Variants in CHL1 observed in about 807,000 individuals in gnomAD.
CHL1 encodes the protein cell adhesion molecule L1 like.
In CHL1, 96 loss-of-function variants were observed where a neutral mutation model predicts 141.9. That is an observed-to-expected ratio of 0.68 (90% CI 0.57 to 0.80). The LOEUF (loss-of-function observed/expected upper bound fraction) is 0.80, where lower values mean the gene tolerates loss of function less well. Among genes scored for constraint, CHL1 ranks in the 30% least tolerant of loss-of-function variants. The pLI, the probability that CHL1 is intolerant of heterozygous loss-of-function variation, is 0.00. For synonymous variants in CHL1, 613 were observed against 502.2 expected (o/e 1.22, Z -2.95); for missense variants, 1,820 against 1,457.2 (o/e 1.25, Z -4.05).
At chr3:307,833 A>T (rs1191636757) in intron 2 of CHL1, among the ~76,000 whole-genome samples, 3 of 152,204 alleles carry the variant, frequency 2.0e-5, no homozygotes, top group African/African-American at 7.2e-5. Flanking sequence ...TTGAATATTG[A>T]CTGACTATAC....
At chr3:260,281 A>C (rs2125189518) in intron 2 of CHL1, among the ~76,000 whole-genome samples, 1 of 152,216 alleles carries the variant, frequency 6.6e-6, no homozygotes, top group African/African-American at 2.4e-5. Context: ...TAAATAAATA[A>C]ATGTTTGAAA....
At position 291,033 on chromosome 3, in the gene CHL1, G is replaced by T. The variant is rs17020501; in HGVS notation, c.-94-28650G>T. On this transcript the variant is annotated intron_variant, in intron 2 of 27. Transcript: ENST00000256509. The stretch of plus-strand genomic sequence containing the variant: ...GATTTTAATTTTGCTTAATAACATA[G>T]TCATTGAAATTAATTTATAAATAAT... 4.2e-3 allele frequency among the ~76,000 whole-genome samples: 631 copies of T among 151,808 alleles called. 9 individuals carry two copies. Among genetic ancestry groups the T allele is most frequent in the African/African-American group, 0.015 (602 of 41,456 alleles).
chr3:322,898 C>G (rs1700711394), intron 3 of CHL1, among the ~76,000 whole-genome samples: 2 of 151,076 alleles, frequency 1.3e-5, no homozygotes, highest in African/African-American at 4.9e-5. Flanking sequence ...CAAAACAAAG[C>G]AAAACAAAAA....
At chr3:363,102 G>C (rs1704446357) in intron 13 of CHL1, 115 bp from the exon 14 acceptor site, 1 of 786,760 alleles carries the variant, frequency 1.3e-6, no homozygotes, top group Non-Finnish European at 2.0e-6. Flanking sequence ...AACATTTCAT[G>C]AGGTTTTCTG....
At chr3:319,421 T>C (rs1700385931) in intron 2 of CHL1, among the ~76,000 whole-genome samples, 1 of 151,790 alleles carries the variant, frequency 6.6e-6, no homozygotes, top group Non-Finnish European at 1.5e-5. Context: ...TATAATATCA[T>C]ACCTTCCAAG....
chr3:335,565 A>C (rs1237212044), intron 5 of CHL1, among the ~76,000 whole-genome samples: 1 of 152,188 alleles, frequency 6.6e-6, no homozygotes, highest in Admixed American at 6.5e-5. Context: ...AAGCATATTT[A>C]AGTGAAATGT....
intron 26 of CHL1, among the ~76,000 whole-genome samples, chr3:399,973 A>T (rs1351379946): frequency 6.6e-6 from 1 of 152,224 alleles, no homozygotes; most frequent in Non-Finnish European, 1.5e-5. Flanking sequence ...TATACATGAA[A>T]ACCATCATAG....
At chr3:349,597 C>A in intron 10 of CHL1, 54 bp downstream of exon 10, 1 of 1,434,798 alleles carries the variant, frequency 7.0e-7, no homozygotes, top group Non-Finnish European at 9.6e-7. Flanking sequence ...TAACTGTATA[C>A]ATGTAGTAGG....
intron 2 of CHL1, among the ~76,000 whole-genome samples, chr3:304,661 A>G (rs1268867288): frequency 6.6e-6 from 1 of 152,010 alleles, no homozygotes; most frequent in Non-Finnish European, 1.5e-5. Context: ...CTAGCGGTCT[A>G]ACTATTTTGT....
chr3:272,611 C>T (rs562122918), intron 2 of CHL1, among the ~76,000 whole-genome samples: 1 of 152,248 alleles, frequency 6.6e-6, no homozygotes, highest in Admixed American at 6.5e-5. Context: ...AATTTTAGAT[C>T]TTACAATTAG....
intron 2 of CHL1, among the ~76,000 whole-genome samples, chr3:307,827 A>G (rs1229980742): frequency 6.6e-6 from 1 of 152,220 alleles, no homozygotes; most frequent in Non-Finnish European, 1.5e-5. Context: ...GACCTTTTGA[A>G]TATTGACTGA....
intron 16 of CHL1, among the ~76,000 whole-genome samples, chr3:379,686 T>A (rs547406295): frequency 5.9e-5 from 9 of 152,320 alleles, no homozygotes; most frequent in East Asian, 1.9e-4. Context: ...TTAATTTTTT[T>A]AATTCTACAT....
At chr3:391,240 C>A in intron 22 of CHL1, 81 bp downstream of exon 22, 1 of 1,109,668 alleles carries the variant, frequency 9.0e-7, no homozygotes, top group Non-Finnish European at 1.4e-6. Flanking sequence ...TATGGCCAGG[C>A]ACAGTGGCTC....
At chr3:277,708 T>C (rs1696274438) in intron 2 of CHL1, among the ~76,000 whole-genome samples, 1 of 152,216 alleles carries the variant, frequency 6.6e-6, no homozygotes, top group East Asian at 1.9e-4. Flanking sequence ...TATTTCTAAG[T>C]GTTACATTTG....
rs1462458752 is a variant in CHL1 at position 273,075 on chromosome 3, G to A, written c.-95+28383G>A. Among the ~76,000 whole-genome samples the A allele has an allele frequency of 5.2e-4, 79 of 152,270 alleles. 1 individual carries two copies. Among genetic ancestry groups the A allele is most frequent in the Non-Finnish European group, 4.4e-5 (3 of 68,014 alleles). On this transcript the variant is annotated intron_variant, in intron 2 of 27. Coordinates refer to ENST00000256509, the MANE Select transcript of CHL1 (RefSeq NM_006614.4). ...TTGACTGACATCTCTGCGAAGATCT[G>A]GGAAAGTCTTCAGGTGGAGGGTAGA...
intron 1 of CHL1, among the ~76,000 whole-genome samples, chr3:225,766 T>A (rs917513383): frequency 5.9e-5 from 9 of 151,992 alleles, no homozygotes; most frequent in African/African-American, 2.2e-4. Flanking sequence ...TCCCAGCACT[T>A]TGGGAGGCTG....
In CHL1 at chr3:391,693, TTCTAAAGG is replaced by T; in HGVS notation, c.2813_2820del (p.Leu938HisfsTer4). The T allele has an allele frequency of 6.2e-7, 1 of 1,606,502 alleles. No homozygotes were observed. The highest frequency in any genetic ancestry group is 8.5e-7 in the Non-Finnish European group (1 of 1,176,402). Reference sequence around the variant, plus strand: ...TTTCTAGTACCTGAACAGCCAACTTTTCTAAAGGTCATCAAAGTTGATAAAGACACTGC... The same window carrying T: ...TTTCTAGTACCTGAACAGCCAACTTTTCATCAAAGTTGATAAAGACACTGC... On this transcript the variant is annotated frameshift_variant, in exon 23 of 28. Transcript: ENST00000256509. LOFTEE classifies it high-confidence loss of function.
chr3:389,082 G>C (rs937703766), intron 19 of CHL1, among the ~76,000 whole-genome samples, 170 bp from the exon 20 acceptor site: 8 of 152,204 alleles, frequency 5.3e-5, no homozygotes, highest in African/African-American at 1.9e-4. Context: ...AAGCTCATAT[G>C]ATGACAAAAC....
chr3:330,306 T>A (rs1701335488), intron 5 of CHL1, among the ~76,000 whole-genome samples: 1 of 152,104 alleles, frequency 6.6e-6, no homozygotes, highest in African/African-American at 2.4e-5. Flanking sequence ...AAACTCTACA[T>A]AACAAAACAT....
Sources: gnomAD v4.1 joint callset for allele counts (sites outside exome capture counted in the v4.1 genomes callset) on GRCh38, gnomAD v4.1.1 for gene constraint, MANE v1.5 for transcripts, NCBI Gene and HGNC (gene_info 2026-07-23, HGNC 2026-07-21) for gene names.